EPHA4: variants seen among roughly 807,000 people sequenced by gnomAD.
EPHA4 encodes EPH receptor A4.
In EPHA4, 19 loss-of-function variants were observed where a neutral mutation model predicts 108.3. The observed-to-expected ratio is 0.18, with a 90% confidence interval of 0.12 to 0.26. The LOEUF (loss-of-function observed/expected upper bound fraction) is 0.26, where lower values mean the gene tolerates loss of function less well. Ranked by LOEUF, EPHA4 falls within the 10% of genes least tolerant of loss-of-function variation. The pLI, the probability that EPHA4 is intolerant of heterozygous loss-of-function variation, is 1.00. For missense variants in EPHA4, 917 were observed against 1,254.0 expected, an observed-to-expected ratio of 0.73 and a Z score of 4.06; for synonymous variants, 449 against 455.5, an observed-to-expected ratio of 0.99 and a Z score of 0.18.
chr2:221,422,330 G>A (rs560736118), intron 17 of EPHA4, among the ~76,000 whole-genome samples: 8 of 152,294 alleles, frequency 5.3e-5, no homozygotes, highest in South Asian at 2.1e-4. Context: ...ATCTTAAAAC[G>A]CTAGAGTGTA....
At chr2:221,522,936 T>A (rs1693214382) in intron 3 of EPHA4, among the ~76,000 whole-genome samples, 1 of 151,862 alleles carries the variant, frequency 6.6e-6, no homozygotes. Context: ...CACCTAATTT[T>A]TGACGGGGTT....
chr2:221,440,292 CG>C (rs751338178), intron 11 of EPHA4, among the ~76,000 whole-genome samples: 1 of 152,148 alleles, frequency 6.6e-6, no homozygotes, highest in South Asian at 2.1e-4. Flanking sequence ...TTTAGAGGCG[CG>C]GTGGGACTTT....
At chr2:221,475,145 AC>A (rs1691617435) in intron 5 of EPHA4, among the ~76,000 whole-genome samples, 1 of 152,228 alleles carries the variant, frequency 6.6e-6, no homozygotes, top group East Asian at 1.9e-4. Context: ...TACTGGGATT[AC>A]AGGCGTGAGC....
At chr2:221,529,995 T>G (rs1185826550) in intron 3 of EPHA4, among the ~76,000 whole-genome samples, 1 of 152,122 alleles carries the variant, frequency 6.6e-6, no homozygotes, top group African/African-American at 2.4e-5. Flanking sequence ...AAAGCGAAAT[T>G]ATTTCAAGTG....
intron 4 of EPHA4, among the ~76,000 whole-genome samples, chr2:221,498,464 C>T (rs1388921774): frequency 1.3e-5 from 2 of 152,022 alleles, no homozygotes; most frequent in Admixed American, 1.3e-4. Flanking sequence ...ACAAATGGAA[C>T]ATAGCATGAA....
intron 3 of EPHA4, among the ~76,000 whole-genome samples, chr2:221,533,750 A>G (rs1299902053): frequency 6.8e-6 from 1 of 147,694 alleles, no homozygotes; most frequent in Non-Finnish European, 1.5e-5. Context: ...AAAAAAAAAA[A>G]AAGCCTGTGA....
At chr2:221,489,500 T>TTGAC (rs1306879540) in intron 4 of EPHA4, among the ~76,000 whole-genome samples, 8 of 152,152 alleles carry the variant, frequency 5.3e-5, no homozygotes, top group Non-Finnish European at 1.2e-4. Flanking sequence ...TCCCGGCCCT[T>TTGAC]TGACTGACTG....
intron 3 of EPHA4, among the ~76,000 whole-genome samples, chr2:221,546,065 G>A (rs189751442): frequency 6.6e-6 from 1 of 152,240 alleles, no homozygotes; most frequent in African/African-American, 2.4e-5. Context: ...TTCTAGGTCT[G>A]CCCATCACCT....
intron 4 of EPHA4, among the ~76,000 whole-genome samples, chr2:221,489,465 T>C (rs1420908957): frequency 6.6e-6 from 1 of 152,212 alleles, no homozygotes; most frequent in Non-Finnish European, 1.5e-5. Flanking sequence ...ACCTTGGAGC[T>C]GGTAGTTCTG....
chr2:221,507,145 T>A (rs1170069287), intron 3 of EPHA4, among the ~76,000 whole-genome samples: 2 of 152,196 alleles, frequency 1.3e-5, no homozygotes, highest in Non-Finnish European at 2.9e-5. Context: ...ATGAATAACT[T>A]GTCCACGGGT....
chr2:221,567,472 C>T (rs538133586), intron 2 of EPHA4, among the ~76,000 whole-genome samples: 68 of 152,284 alleles, frequency 4.5e-4, no homozygotes, highest in African/African-American at 1.5e-3. Context: ...TGCCAGAGGC[C>T]TGCCAATCAC....
chr2:221,523,436 T>A (rs1321996990), intron 3 of EPHA4, among the ~76,000 whole-genome samples: 1 of 151,374 alleles, frequency 6.6e-6, no homozygotes, highest in Non-Finnish European at 1.5e-5. Context: ...TACAAGCATG[T>A]GCCACCACGC....
At chr2:221,572,663 C>T (rs1694887365), upstream of EPHA4, 1 of 156,208 alleles carries the variant, frequency 6.4e-6, no homozygotes, top group Non-Finnish European at 1.4e-5. Context: ...TCTCCCACCA[C>T]GGGCGGTTTA....
intron 2 of EPHA4, among the ~76,000 whole-genome samples, chr2:221,566,277 A>G (rs1376788362): frequency 6.6e-6 from 1 of 152,110 alleles, no homozygotes; most frequent in Non-Finnish European, 1.5e-5. Context: ...TGTCATTATC[A>G]GACCAAATTA....
chr2:221,548,995 T>C (rs1188768982), intron 3 of EPHA4, among the ~76,000 whole-genome samples: 2 of 152,124 alleles, frequency 1.3e-5, no homozygotes, highest in Admixed American at 1.3e-4. Context: ...TCCCAGCCAC[T>C]TGGGAGTCCT....
At chr2:221,484,870 T>C (rs1691936025) in intron 4 of EPHA4, among the ~76,000 whole-genome samples, 2 of 152,176 alleles carry the variant, frequency 1.3e-5, no homozygotes, top group Non-Finnish European at 2.9e-5. Flanking sequence ...AAAGGTATAA[T>C]GATAACAAAA....
chr2:221,466,271 G>A (rs926044519), intron 5 of EPHA4, among the ~76,000 whole-genome samples: 1 of 152,222 alleles, frequency 6.6e-6, no homozygotes, highest in Non-Finnish European at 1.5e-5. Flanking sequence ...AGTTTTCTTT[G>A]TAGAAAAGAG....
intron 3 of EPHA4, among the ~76,000 whole-genome samples, chr2:221,563,271 G>A (rs1341800160): frequency 6.6e-6 from 1 of 152,138 alleles, no homozygotes; most frequent in Non-Finnish European, 1.5e-5. Flanking sequence ...CAGTGGGAGG[G>A]AACTGGAACA....
chr2:221,505,733 C>T (rs1030648807), intron 3 of EPHA4, among the ~76,000 whole-genome samples: 12 of 152,108 alleles, frequency 7.9e-5, no homozygotes, highest in Non-Finnish European at 1.8e-4. Flanking sequence ...TTAAGTATTG[C>T]GTGTGTGCTG....
Sources: allele counts gnomAD v4.1 joint callset (sites outside exome capture counted in the v4.1 genomes callset), GRCh38; gene constraint gnomAD v4.1.1; transcripts MANE v1.5; gene names NCBI Gene and HGNC (gene_info 2026-07-23, HGNC 2026-07-21).